The following CSPG4 variants were observed in gnomAD, a reference collection of about 807,000 sequenced individuals.
CSPG4 encodes the protein chondroitin sulfate proteoglycan 4 (melanoma-associated).
In CSPG4, 74 loss-of-function variants were observed where a neutral mutation model predicts 139.3. The ratio of observed to expected loss-of-function variants is 0.53; its 90% confidence interval spans 0.44 to 0.64. The LOEUF (loss-of-function observed/expected upper bound fraction) is 0.64, where lower values mean the gene tolerates loss of function less well. Among genes scored for constraint, CSPG4 ranks in the 30% least tolerant of loss-of-function variants. The pLI is 0.00. For synonymous variants in CSPG4, 1,234 were observed against 1,394.2 expected (o/e 0.89, Z 2.56); for missense variants, 2,565 against 3,148.3 (o/e 0.81, Z 4.43).
Position 75,677,143 on chromosome 15 carries a change from GC to G in CSPG4, c.5375del (p.Gly1792AlafsTer34). 2.8e-6 allele frequency: 4 copies of G among 1,419,604 alleles called. No homozygotes were observed. Among genetic ancestry groups the G allele is most frequent in the Non-Finnish European group, 1.8e-6 (2 of 1,083,976 alleles). 87.9% of individuals were successfully genotyped at this position (1,419,604 alleles called of 1,614,324 possible). On this transcript the variant is annotated frameshift_variant, in exon 10 of 10. Transcript: ENST00000308508. LOFTEE classifies it low-confidence loss of function (END_TRUNC). The stretch of plus-strand genomic sequence containing the variant: ...GAAAGTGGAAGCCATCCTGCTGGGT[GC>G]CCCCACCGCCGTGGGCATACACTAG... ...GQLVYAHGGG[G>X]TQQDGFHFRA...
At position 75,698,600 on chromosome 15, in the gene CSPG4, G is replaced by A. The variant is rs1269956691; in HGVS notation, c.89-5367C>T. 1.3e-5 allele frequency among the ~76,000 whole-genome samples: 2 copies of A among 152,120 alleles called. No individual in the cohort carries two copies. Among genetic ancestry groups the A allele is most frequent in the African/African-American group, 2.4e-5 (1 of 41,422 alleles). ...ACACACGTGTGTGGCGGCAAGGCAGGCGAGGAAGGGGTGCGCTGGGTCCCT... is the reference window on the plus strand; with the variant it reads ...ACACACGTGTGTGGCGGCAAGGCAGACGAGGAAGGGGTGCGCTGGGTCCCT... On this transcript the variant is annotated intron_variant, in intron 1 of 9. Coordinates refer to ENST00000308508, the MANE Select transcript of CSPG4 (RefSeq NM_001897.5). The surrounding 1 kb of genome is among the most constrained non-coding windows in gnomAD (Gnocchi z 4.3).
intron 1 of CSPG4, among the ~76,000 whole-genome samples, chr15:75,705,732 G>C (rs886793480): frequency 1.3e-5 from 2 of 152,190 alleles, no homozygotes; most frequent in African/African-American, 4.8e-5. Context: ...GATGGGGCCT[G>C]GGTCAGGGCT....
In CSPG4 at chr15:75,677,906, G is replaced by C. The variant is rs1444495188; in HGVS notation, c.4951-20C>G. ...GTAGACCTAGGGGAGACACCATCGT[G>C]GGGTGAGAGGCAGGTCCAGCCTGTG... On this transcript the variant is annotated intron_variant, in intron 8 of 9. Transcript: ENST00000308508. 1.3e-6 allele frequency: 2 copies of C among 1,579,748 alleles called. No individual in the cohort carries two copies. Among genetic ancestry groups the C allele is most frequent in the South Asian group, 2.3e-5 (2 of 87,862 alleles).
Position 75,690,671 on chromosome 15 carries a change from A to T in CSPG4, c.394T>A (p.Ser132Thr). Residue 132 changes from serine to threonine, a missense_variant, in exon 3 of 10, where the codon TCC (serine) becomes ACC (threonine). By Grantham distance (58) the Ser-to-Thr change is moderately conservative (BLOSUM62 1). This residue lies in a region of CSPG4 where 132 missense variants were observed against 132.3 expected (regional missense o/e 1.00). Coordinates refer to ENST00000308508, the MANE Select transcript of CSPG4 (RefSeq NM_001897.5). ...TLSVDGFLNA[S>T]SAVPGAPLEV... ...AGGGGGGCTCCTGGGACTGCTGAGGAGGCGTTCAGAAACCCATCGACTGAC... is the reference window on the plus strand; with the variant it reads ...AGGGGGGCTCCTGGGACTGCTGAGGTGGCGTTCAGAAACCCATCGACTGAC... 6.2e-7 allele frequency: 1 copy of T among 1,612,638 alleles called. No homozygotes were observed.
In CSPG4 at chr15:75,674,705, C is replaced by T; in HGVS notation, c.*845G>A. 1 of 398,960 alleles carries T rather than the reference C, an allele frequency of 2.5e-6. No individual in the cohort carries two copies. Among genetic ancestry groups the T allele is most frequent in the East Asian group, 3.6e-5 (1 of 28,080 alleles). 24.7% of individuals were successfully genotyped at this position (398,960 alleles called of 1,614,324 possible). A position where few individuals can be genotyped will look rare whatever the true frequency, so the allele number is the denominator to read the frequency against. On this transcript the variant is annotated 3_prime_UTR_variant, in exon 10 of 10. Coordinates refer to ENST00000308508, the MANE Select transcript of CSPG4 (RefSeq NM_001897.5). The stretch of plus-strand genomic sequence containing the variant: ...GCCTGCCCTAGTCCTCAGGGGGGCA[C>T]TGGCACCGCAGTGGCCTCGGCCTGA...
At chr15:75,691,809 T>C (rs1894168167) in intron 2 of CSPG4, among the ~76,000 whole-genome samples, 4 of 152,160 alleles carry the variant, frequency 2.6e-5, no homozygotes. Flanking sequence ...CTAAGAACTA[T>C]AATTTTGGAG....
At chr15:75,695,271 G>GA (rs1348893919) in intron 1 of CSPG4, among the ~76,000 whole-genome samples, 3 of 152,144 alleles carry the variant, frequency 2.0e-5, no homozygotes, top group Non-Finnish European at 4.4e-5. Context: ...GGCAGGAACT[G>GA]AACTAGATGG....
At chr15:75,691,670 G>A (rs1894166638) in intron 2 of CSPG4, among the ~76,000 whole-genome samples, 1 of 152,196 alleles carries the variant, frequency 6.6e-6, no homozygotes, top group South Asian at 2.1e-4. Flanking sequence ...GGGGTGGAAG[G>A]AGATCTTGGG....
Position 75,674,709 on chromosome 15 carries a change from C to T in CSPG4, c.*841G>A, listed in dbSNP as rs1596004298. 5.0e-6 allele frequency: 2 copies of T among 398,942 alleles called. No individual in the cohort carries two copies. The highest frequency in any genetic ancestry group is 8.8e-6 in the Non-Finnish European group (2 of 226,120). 24.7% of individuals were successfully genotyped at this position (398,942 alleles called of 1,614,324 possible). ...GCCCTAGTCCTCAGGGGGGCACTGG[C>T]ACCGCAGTGGCCTCGGCCTGAGACC... On this transcript the variant is annotated 3_prime_UTR_variant, in exon 10 of 10. Coordinates refer to ENST00000308508, the MANE Select transcript of CSPG4 (RefSeq NM_001897.5).
At chr15:75,682,169 AG>A in intron 8 of CSPG4, 123 bp downstream of exon 8, 2 of 1,263,718 alleles carry the variant, frequency 1.6e-6, no homozygotes, top group Admixed American at 3.5e-5. Context: ...GGACAATGGC[AG>A]GCCCGGGAAC....
chr15:75,689,183 A>G lies in CSPG4; in HGVS notation c.1882T>C (p.Tyr628His). The change falls in exon 3 of 10, where the codon TAT becomes CAT. Residue 628 changes from tyrosine to histidine, a missense_variant. Physicochemically the swap from Tyr to His is moderately conservative, Grantham distance 83. Around this residue, in one of 5 missense-constraint regions of CSPG4, gnomAD observed 2,316 missense variants for 2,818.2 expected, o/e 0.82. Coordinates refer to ENST00000308508, the MANE Select transcript of CSPG4 (RefSeq NM_001897.5). ...TGTGCAGGACCACCGCGGTGGACAT[A>G]GACTAGGCTGCCGGCCTCCAACTCC... Reference protein sequence around the residue: ...CRELEAGSLVYVHRGGPAQDL... With the variant: ...CRELEAGSLVHVHRGGPAQDL... The G allele has an allele frequency of 6.2e-7, 1 of 1,605,874 alleles. No individual in the cohort carries two copies. Among genetic ancestry groups the G allele is most frequent in the Non-Finnish European group, 8.5e-7 (1 of 1,177,070 alleles).
rs1275589494 is a variant in CSPG4, at chr15:75,685,556, G to A, written c.3935C>T (p.Ala1312Val). ...GTACAGGACCCTGCCTGTGTCCACT[G>A]CCTCCTGGGAGAAGCTCTGCACAGG... ...LDPVQSFSQE[A>V]VDTGRVLYLH... The change falls in exon 4 of 10, where the codon GCA becomes GTA. Residue 1312 changes from alanine (A) to valine (V), a missense_variant. Around this residue, in one of 5 missense-constraint regions of CSPG4, gnomAD observed 2,316 missense variants for 2,818.2 expected, o/e 0.82. Transcript: ENST00000308508. 1 of 1,607,628 alleles carries A rather than the reference G, an allele frequency of 6.2e-7. No homozygotes were observed. Among genetic ancestry groups the A allele is most frequent in the Non-Finnish European group, 8.5e-7 (1 of 1,178,164 alleles).
rs73441010 is a variant in CSPG4, at chr15:75,696,588, C to T, written c.89-3355G>A. The stretch of plus-strand genomic sequence containing the variant: ...CGGGCCTGTCCTGCCCTTCGGTGCC[C>T]GCCTGCCATTACTTGGCTGGGCCTG... On this transcript the variant is annotated intron_variant, in intron 1 of 9. Coordinates refer to ENST00000308508, the MANE Select transcript of CSPG4 (RefSeq NM_001897.5). The surrounding 1 kb of genome is among the most constrained non-coding windows in gnomAD (Gnocchi z 4.2). Among the ~76,000 whole-genome samples, 2,610 of 152,146 alleles carry T rather than the reference C, an allele frequency of 0.017. 60 individuals carry two copies. The highest frequency in any genetic ancestry group is 0.091 in the East Asian group (469 of 5,158).
rs1215638172 is a variant in CSPG4, at chr15:75,689,868, G to A, written c.1197C>T (p.Ser399=). Residue 399 remains serine, a synonymous_variant, in exon 3 of 10, where the codon TCC becomes TCT. Transcript: ENST00000308508. ...CTGGCCAAGCCTCAGGGGCCAGGGT[G>A]GAGAAAGCTTCATAATGTCCATAGG... ...DDAYGHYEAF[S]TLAPEAWPAM... is the part of the protein sequence containing the mutation. The A allele has an allele frequency of 3.1e-6, 5 of 1,612,356 alleles. No individual in the cohort carries two copies. The highest frequency in any genetic ancestry group is 2.5e-6 in the Non-Finnish European group (3 of 1,179,496).
At chr15:75,684,001 C>T (rs1428388035) in intron 5 of CSPG4, among the ~76,000 whole-genome samples, 13 of 152,178 alleles carry the variant, frequency 8.5e-5, no homozygotes, top group Admixed American at 3.9e-4. Flanking sequence ...CCACCCGCTA[C>T]GGGCACATCC....
At position 75,684,549 on chromosome 15, in the gene CSPG4, C is replaced by G. The variant is rs375535141; in HGVS notation, c.4449+187G>C. ...AAACATCCAATAAAAAAACTTCCCA[C>G]CTGTGTTCTATTTCAGCACAATCTC... On this transcript the variant is annotated intron_variant, in intron 5 of 9. Coordinates refer to ENST00000308508, the MANE Select transcript of CSPG4 (RefSeq NM_001897.5). Among the ~76,000 whole-genome samples the G allele has an allele frequency of 9.2e-5, 14 of 152,378 alleles. No individual in the cohort carries two copies. In the East Asian group the frequency reaches 2.5e-3, roughly 27 times the overall value.
intron 8 of CSPG4, chr15:75,680,674 G>C (rs1407126755): frequency 6.5e-6 from 1 of 153,668 alleles, no homozygotes; most frequent in Admixed American, 6.5e-5. Context: ...GTGTCCTCCA[G>C]TGAAGGAAAT....
chr15:75,700,276 C>T (rs367546798), intron 1 of CSPG4, among the ~76,000 whole-genome samples: 5 of 151,960 alleles, frequency 3.3e-5, no homozygotes, highest in East Asian at 1.9e-4. Context: ...GCCAATGGCC[C>T]CAGTGGGAGG....
In CSPG4 at chr15:75,701,336, G is replaced by A. The variant is rs186915859; in HGVS notation, c.89-8103C>T. Among the ~76,000 whole-genome samples, 33 of 152,302 alleles carry A rather than the reference G, an allele frequency of 2.2e-4. 1 individual carries two copies. The highest frequency in any genetic ancestry group is 1.8e-3 in the Admixed American group (27 of 15,306). On this transcript the variant is annotated intron_variant, in intron 1 of 9. Coordinates refer to ENST00000308508, the MANE Select transcript of CSPG4 (RefSeq NM_001897.5). ...ATGAGATGGCATTTGTCCCGTGTGAGGGTTTTTCTATCAGGCAGAGCTGTC... is the reference window on the plus strand; with the variant it reads ...ATGAGATGGCATTTGTCCCGTGTGAAGGTTTTTCTATCAGGCAGAGCTGTC...
Sources: gnomAD v4.1 joint callset for allele counts (sites outside exome capture counted in the v4.1 genomes callset) on GRCh38, gnomAD v4.1.1 for gene constraint, gnomAD v4.1.1 regional missense constraint, Gnocchi (gnomAD v3.1) non-coding constraint, MANE v1.5 for transcripts, NCBI Gene and HGNC (gene_info 2026-07-23, HGNC 2026-07-21) for gene names.